The following SLC9B1 variants were observed in gnomAD, a reference collection of about 807,000 sequenced individuals.
The protein encoded by SLC9B1 is solute carrier family 9 member B1, also known as sodium/hydrogen exchanger 9B1.
Under a neutral mutation model 51.7 loss-of-function variants are expected in SLC9B1, and 32 were observed. The observed-to-expected ratio is 0.62, with a 90% confidence interval of 0.47 to 0.83. The LOEUF (loss-of-function observed/expected upper bound fraction) is 0.83, where lower values mean the gene tolerates loss of function less well. Ranked by LOEUF, SLC9B1 falls within the 40% of genes least tolerant of loss-of-function variation. The pLI is 0.00. For missense variants in SLC9B1, 406 were observed against 613.2 expected (o/e 0.66, Z 3.57); for synonymous variants, 145 against 212.7 (o/e 0.68, Z 2.77).
At chr4:102,986,010 A>C (rs1739598604) in intron 3 of SLC9B1, among the ~76,000 whole-genome samples, 1 of 152,188 alleles carries the variant, frequency 6.6e-6, no homozygotes, top group South Asian at 2.1e-4. Flanking sequence ...TATTAGATAA[A>C]TTAAGAATTT....
In SLC9B1 at chr4:102,989,414, G is replaced by C. The variant is rs190887879; in HGVS notation, c.211+386C>G. On this transcript the variant is annotated intron_variant, in intron 3 of 11. Coordinates refer to ENST00000296422, the MANE Select transcript of SLC9B1 (RefSeq NM_139173.4). ...TTATACAACTTTTTACAAGGTTGCT[G>C]CTGTTTTAAAACTTAGGGCCCAATT... 7.9e-5 allele frequency among the ~76,000 whole-genome samples: 12 copies of C among 152,000 alleles called. No individual in the cohort carries two copies. The East Asian group carries it at 2.1e-3, about 27-fold the overall frequency.
intron 11 of SLC9B1, chr4:102,888,902 T>TTTTC (rs1254511995): frequency 1.3e-5 from 2 of 152,226 alleles, no homozygotes; most frequent in African/African-American, 4.8e-5. Flanking sequence ...ATACAAAAGC[T>TTTTC]TTTCTTTAGT....
At chr4:102,966,953 C>G (rs376661281) in intron 3 of SLC9B1, among the ~76,000 whole-genome samples, 11 of 152,252 alleles carry the variant, frequency 7.2e-5, no homozygotes, top group East Asian at 3.9e-4. Context: ...TGCCAGGTAC[C>G]CTAGTTCATC....
At chr4:102,990,335 A>C (rs1425398569) in intron 2 of SLC9B1, among the ~76,000 whole-genome samples, 1 of 152,106 alleles carries the variant, frequency 6.6e-6, no homozygotes, top group South Asian at 2.1e-4. Flanking sequence ...ACTTGGATTC[A>C]TCTCATTTGA....
Position 102,932,344 on chromosome 4 carries a change from A to G in SLC9B1, c.654-45T>C, listed in dbSNP as rs760714892. ...TTAATTTAAAAGCATCTTTTAAATCAAGTAGTGTTTTATAAGTACAAGTAG... is the reference window on the plus strand; with the variant it reads ...TTAATTTAAAAGCATCTTTTAAATCGAGTAGTGTTTTATAAGTACAAGTAG... On this transcript the variant is annotated intron_variant, in intron 6 of 11. Transcript: ENST00000296422. 4 of 1,528,716 alleles carry G rather than the reference A, an allele frequency of 2.6e-6. No individual in the cohort carries two copies. The South Asian group carries it at 3.5e-5, about 13-fold the overall frequency. 94.7% of individuals were successfully genotyped at this position (1,528,716 alleles called of 1,614,324 possible).
intron 3 of SLC9B1, among the ~76,000 whole-genome samples, chr4:102,977,319 GA>G (rs1334686848): frequency 7.4e-6 from 1 of 135,154 alleles, no homozygotes; most frequent in African/African-American, 2.7e-5. Flanking sequence ...AAAAAAAACA[GA>G]AAAAAAGGAA....
At chr4:102,943,651 C>A (rs4349156) in intron 6 of SLC9B1, among the ~76,000 whole-genome samples, 1 of 152,142 alleles carries the variant, frequency 6.6e-6, no homozygotes, top group South Asian at 2.1e-4. Context: ...AATGAAAAAA[C>A]CAAACATTGT....
intron 11 of SLC9B1, 82 bp downstream of exon 11, chr4:102,905,432 G>A (rs1734997073): frequency 7.4e-7 from 1 of 1,358,978 alleles, no homozygotes. Context: ...CTCATATTTT[G>A]TGACTAGAGT....
chr4:102,964,391 A>C (rs1738312543), intron 3 of SLC9B1, among the ~76,000 whole-genome samples: 2 of 151,880 alleles, frequency 1.3e-5, no homozygotes, highest in African/African-American at 4.9e-5. Context: ...ATGTTACAAA[A>C]ACTTTATTAA....
At chr4:102,886,728 A>G (rs1733941809) in intron 11 of SLC9B1, among the ~76,000 whole-genome samples, 1 of 150,584 alleles carries the variant, frequency 6.6e-6, no homozygotes, top group African/African-American at 2.4e-5. Flanking sequence ...GAATTCTCCC[A>G]CCTCAGCCTC....
intron 3 of SLC9B1, among the ~76,000 whole-genome samples, chr4:102,987,410 T>C (rs1176845150): frequency 2.0e-5 from 3 of 152,130 alleles, no homozygotes; most frequent in African/African-American, 7.2e-5. Flanking sequence ...CCAGTTTCCA[T>C]TTCTACATGT....
intron 3 of SLC9B1, among the ~76,000 whole-genome samples, chr4:102,975,141 A>G (rs1738984585): frequency 6.6e-6 from 1 of 152,188 alleles, no homozygotes. Flanking sequence ...AGCTGGGACT[A>G]CAGGCACACA....
intron 3 of SLC9B1, among the ~76,000 whole-genome samples, chr4:102,967,652 G>A (rs1243919936): frequency 6.6e-6 from 1 of 152,084 alleles, no homozygotes; most frequent in Non-Finnish European, 1.5e-5. Flanking sequence ...CCACAAGAGT[G>A]AGAACTCACT....
intron 7 of SLC9B1, among the ~76,000 whole-genome samples, chr4:102,922,548 A>C (rs1735933492): frequency 6.6e-6 from 1 of 152,218 alleles, no homozygotes; most frequent in Non-Finnish European, 1.5e-5. Context: ...GAAGGCAAAA[A>C]ATAAGATCAG....
rs34403441 is a variant in SLC9B1, at chr4:103,008,797, C to CTTTTTTTTT, written c.-2+10793_-2+10801dup. Among the ~76,000 whole-genome samples the CTTTTTTTTT allele has an allele frequency of 3.0e-5, 3 of 99,460 alleles. 1 individual carries two copies. Among genetic ancestry groups the CTTTTTTTTT allele is most frequent in the Non-Finnish European group, 4.0e-5 (2 of 49,638 alleles). The allele number at this position is 99,460 out of a possible 152,430, so 65.2% of individuals were successfully genotyped here. A position where few individuals can be genotyped will look rare whatever the true frequency, so the allele number is the denominator to read the frequency against. ...GATGATCTAAGGGCTTTAACAGTTT[C>CTTTTTTTTT]TTTTTTTTTTTTTTTTTTTTGAGAC... On this transcript the variant is annotated intron_variant, in intron 1 of 11. Coordinates refer to ENST00000296422, the MANE Select transcript of SLC9B1 (RefSeq NM_139173.4).
At position 102,989,901 on chromosome 4, in the gene SLC9B1, T is replaced by A. The variant is rs1208544972; in HGVS notation, c.110A>T (p.Lys37Ile). 6.3e-7 allele frequency: 1 copy of A among 1,597,906 alleles called. No individual in the cohort carries two copies. The highest frequency in any genetic ancestry group is 8.6e-7 in the Non-Finnish European group (1 of 1,168,228). ...DPNNTAQEET[K>I]TVLSDTEEIK... ...TTCTTCTGTATCTGATAAGACAGTT[T>A]TAGTTTCTTCCTGTGCAGTATTATT... The change falls in exon 3 of 12, where the codon AAA (lysine) becomes ATA (isoleucine). Residue 37 changes from lysine (K) to isoleucine (I), a missense_variant. By Grantham distance (102) the Lys-to-Ile change is moderately radical. This residue lies in a region of SLC9B1 where 108 missense variants were observed against 94.5 expected (regional missense o/e 1.14). Coordinates refer to ENST00000296422, the MANE Select transcript of SLC9B1 (RefSeq NM_139173.4).
At chr4:103,003,540 A>G (rs1452867716) in intron 1 of SLC9B1, among the ~76,000 whole-genome samples, 2 of 152,128 alleles carry the variant, frequency 1.3e-5, no homozygotes, top group Non-Finnish European at 2.9e-5. Flanking sequence ...AAACACCTCA[A>G]TCTAGGGATG....
intron 3 of SLC9B1, among the ~76,000 whole-genome samples, chr4:102,974,241 T>TAAAAAAAAAA (rs1560962155): frequency 1.2e-4 from 2 of 16,756 alleles, no homozygotes; most frequent in African/African-American, 1.8e-4. Context: ...TGTCTAAAAT[T>TAAAAAAAAAA]GAAAAAAAAA....
At chr4:102,977,736 G>A (rs1236549376) in intron 3 of SLC9B1, among the ~76,000 whole-genome samples, 1 of 152,126 alleles carries the variant, frequency 6.6e-6, no homozygotes, top group Non-Finnish European at 1.5e-5. Flanking sequence ...ATATGGCTAA[G>A]CAATTAATAT....
Sources: gnomAD v4.1 joint callset for allele counts (sites outside exome capture counted in the v4.1 genomes callset) on GRCh38, gnomAD v4.1.1 for gene constraint, gnomAD v4.1.1 regional missense constraint, MANE v1.5 for transcripts, NCBI Gene and HGNC (gene_info 2026-07-23, HGNC 2026-07-21) for gene names.